RBMS3: variants seen among roughly 807,000 people sequenced by gnomAD.
RBMS3 encodes RNA binding motif single stranded interacting protein 3.
A neutral mutation model predicts 66.8 loss-of-function variants in RBMS3; 27 were observed. That is an observed-to-expected ratio of 0.40 (90% CI 0.30 to 0.56). The LOEUF is 0.56. RBMS3 is among the 20% of genes least tolerant of loss of function. The probability of loss-of-function intolerance (pLI) is 0.40; values close to 1 mark genes in which losing one functional copy is unlikely to be tolerated. For synonymous variants in RBMS3, 188 were observed against 183.0 expected (o/e 1.03, Z -0.22); for missense variants, 513 against 549.5 (o/e 0.93, Z 0.66).
chr3:29,293,547 G>C (rs1559465767), intron 1 of RBMS3, among the ~76,000 whole-genome samples: 1 of 151,828 alleles, frequency 6.6e-6, no homozygotes, highest in African/African-American at 2.4e-5. Context: ...CCCATAAAAG[G>C]CTAGCTGCTA....
chr3:29,753,570 C>A (rs1045924262), intron 5 of RBMS3, among the ~76,000 whole-genome samples: 2 of 152,154 alleles, frequency 1.3e-5, no homozygotes, highest in East Asian at 3.9e-4. Context: ...CTTCAGAAAC[C>A]ACAGTTTTTG....
At chr3:29,875,247 C>T (rs540828704) in intron 7 of RBMS3, among the ~76,000 whole-genome samples, 25 of 152,242 alleles carry the variant, frequency 1.6e-4, no homozygotes, top group Admixed American at 2.6e-4. Flanking sequence ...CAGTTTACAA[C>T]CTCCAGGTAA....
At chr3:29,726,972 A>G (rs188545606) in intron 4 of RBMS3, among the ~76,000 whole-genome samples, 64 of 152,310 alleles carry the variant, frequency 4.2e-4, no homozygotes, top group African/African-American at 1.5e-3. Context: ...ACTACACTAC[A>G]AGGCTACAGT....
intron 6 of RBMS3, among the ~76,000 whole-genome samples, chr3:29,831,996 A>G (rs2058381946): frequency 6.6e-6 from 1 of 152,108 alleles, no homozygotes; most frequent in Non-Finnish European, 1.5e-5. Context: ...GACTTGTTCC[A>G]TTGTAGTACT....
At chr3:29,970,104 T>A (rs557079403) in intron 12 of RBMS3, among the ~76,000 whole-genome samples, 1 of 152,274 alleles carries the variant, frequency 6.6e-6, no homozygotes, top group Admixed American at 6.5e-5. Context: ...ATATAATTGG[T>A]TTTCAGTAAA....
rs1049546959 is a variant in RBMS3, at chr3:29,429,543, A to C, written c.76-5200A>C. 2.0e-5 allele frequency among the ~76,000 whole-genome samples: 3 copies of C among 152,296 alleles called. No individual in the cohort carries two copies. The South Asian group carries it at 6.2e-4, about 32-fold the overall frequency. On this transcript the variant is annotated intron_variant, in intron 1 of 14. Transcript: ENST00000383767. ...AGAAATCCTCTATCTCTCTTCTTCA[A>C]TCAGAGTGTCATCCAAAATCCCCTT... is the stretch of plus-strand genomic sequence containing the variant.
intron 1 of RBMS3, among the ~76,000 whole-genome samples, chr3:29,366,513 T>A (rs2037912648): frequency 6.6e-6 from 1 of 152,064 alleles, no homozygotes; most frequent in African/African-American, 2.4e-5. Flanking sequence ...CCTGAGTAGC[T>A]GGTACTACAG....
chr3:29,418,357 C>G (rs1482159441), intron 1 of RBMS3, among the ~76,000 whole-genome samples: 3 of 152,082 alleles, frequency 2.0e-5, no homozygotes, highest in Non-Finnish European at 4.4e-5. Flanking sequence ...AGAGGTGTGT[C>G]TATTTGTCTC....
intron 3 of RBMS3, among the ~76,000 whole-genome samples, chr3:29,507,200 AT>A (rs2044215714): frequency 6.6e-6 from 1 of 151,876 alleles, no homozygotes; most frequent in African/African-American, 2.4e-5. Context: ...TTAAAAAAAA[AT>A]GAGGTTCTTT....
intron 5 of RBMS3, among the ~76,000 whole-genome samples, chr3:29,761,302 T>A (rs1344820824): frequency 6.6e-6 from 1 of 152,138 alleles, no homozygotes; most frequent in Non-Finnish European, 1.5e-5. Flanking sequence ...CAAAACTTTG[T>A]CAGAGAATAA....
intron 5 of RBMS3, among the ~76,000 whole-genome samples, chr3:29,753,166 C>G (rs2055257013): frequency 6.6e-6 from 1 of 152,138 alleles, no homozygotes; most frequent in South Asian, 2.1e-4. Context: ...GGGTTGAGCC[C>G]TTTAATGAAT....
At chr3:29,376,098 C>A (rs2038447793) in intron 1 of RBMS3, among the ~76,000 whole-genome samples, 2 of 150,408 alleles carry the variant, frequency 1.3e-5, no homozygotes, top group Non-Finnish European at 2.9e-5. Flanking sequence ...AAACAGAAAA[C>A]CAAGTGCCAT....
intron 1 of RBMS3, among the ~76,000 whole-genome samples, chr3:29,365,079 G>A (rs543972887): frequency 1.3e-4 from 20 of 152,092 alleles, no homozygotes; most frequent in African/African-American, 2.9e-4. Context: ...TTTATATTAG[G>A]ATGTGACTAC....
At chr3:29,940,965 A>G (rs1291162959) in intron 11 of RBMS3, among the ~76,000 whole-genome samples, 1 of 151,882 alleles carries the variant, frequency 6.6e-6, no homozygotes, top group Non-Finnish European at 1.5e-5. Flanking sequence ...TTACTGTGTT[A>G]TGAGAACCTC....
intron 8 of RBMS3, among the ~76,000 whole-genome samples, chr3:29,892,958 G>T (rs565913031): frequency 6.6e-6 from 1 of 151,324 alleles, no homozygotes; most frequent in Admixed American, 6.6e-5. Context: ...ACATTCTGCA[G>T]TTCCCTCCTT....
In RBMS3 at chr3:29,678,014, G is replaced by T. The variant is rs76243828; in HGVS notation, c.400-61706G>T. 3.3e-3 allele frequency among the ~76,000 whole-genome samples: 507 copies of T among 152,266 alleles called. 2 individuals are homozygous for T. Among genetic ancestry groups the T allele is most frequent in the African/African-American group, 0.011 (465 of 41,570 alleles). ...AAATCATGAGTAAGTTACATGAGAA[G>T]TATAAATCAGAATGCTAGCGATTAT... On this transcript the variant is annotated intron_variant, in intron 4 of 14. Transcript: ENST00000383767.
intron 3 of RBMS3, among the ~76,000 whole-genome samples, chr3:29,545,679 A>T (rs1002979052): frequency 2.0e-5 from 3 of 152,208 alleles, no homozygotes; most frequent in African/African-American, 7.2e-5. Context: ...AAAATAAAAG[A>T]TGCTTCTTGC....
At chr3:29,891,305 T>C (rs1399521158) in intron 8 of RBMS3, among the ~76,000 whole-genome samples, 2 of 151,670 alleles carry the variant, frequency 1.3e-5, no homozygotes, top group Non-Finnish European at 3.0e-5. Context: ...ATGTCAGTTC[T>C]GTCATCTGCC....
intron 6 of RBMS3, among the ~76,000 whole-genome samples, chr3:29,831,015 C>G (rs2058357069): frequency 6.6e-6 from 1 of 152,082 alleles, no homozygotes; most frequent in African/African-American, 2.4e-5. Flanking sequence ...AATGCAATGA[C>G]CTTGTACCAA....
Sources: gnomAD v4.1 joint callset for allele counts (sites outside exome capture counted in the v4.1 genomes callset) on GRCh38, gnomAD v4.1.1 for gene constraint, MANE v1.5 for transcripts, NCBI Gene and HGNC (gene_info 2026-07-23, HGNC 2026-07-21) for gene names.